Variants in GRIK4 observed in about 807,000 individuals in gnomAD.
GRIK4 encodes the protein glutamate ionotropic receptor kainate type subunit 4.
In GRIK4, 40 loss-of-function variants were observed where a neutral mutation model predicts 104.9. The observed-to-expected ratio is 0.38, with a 90% confidence interval of 0.30 to 0.50. The LOEUF is 0.50. GRIK4 is among the 20% of genes least tolerant of loss of function. The probability of loss-of-function intolerance (pLI) is 0.93; values close to 1 mark genes in which losing one functional copy is unlikely to be tolerated. For missense variants in GRIK4, 1,047 were observed against 1,308.1 expected (o/e 0.80, Z 3.08); for synonymous variants, 485 against 524.9 (o/e 0.92, Z 1.04).
At chr11:120,804,659 G>A (rs1300541545) in intron 4 of GRIK4, among the ~76,000 whole-genome samples, 2 of 152,232 alleles carry the variant, frequency 1.3e-5, no homozygotes. Context: ...TGGGAACAAA[G>A]CAGGAAATAA....
intron 8 of GRIK4, among the ~76,000 whole-genome samples, chr11:120,844,021 C>T (rs1953790754): frequency 6.6e-6 from 1 of 152,148 alleles, no homozygotes; most frequent in African/African-American, 2.4e-5. Flanking sequence ...AGCCAATTTT[C>T]CTCCCCTGGG....
intron 11 of GRIK4, among the ~76,000 whole-genome samples, chr11:120,890,221 A>G (rs984606341): frequency 1.2e-4 from 18 of 152,328 alleles, no homozygotes; most frequent in African/African-American, 4.1e-4. Flanking sequence ...ACGCTGTACT[A>G]TGGGTAGGCA....
intron 11 of GRIK4, among the ~76,000 whole-genome samples, chr11:120,889,432 A>G (rs1226943691): frequency 2.0e-5 from 3 of 152,012 alleles, no homozygotes; most frequent in Non-Finnish European, 4.4e-5. Flanking sequence ...AAGAAGCCAC[A>G]AATACATTAT....
chr11:120,823,707 A>T (rs1240533958), intron 6 of GRIK4, among the ~76,000 whole-genome samples: 1 of 152,190 alleles, frequency 6.6e-6, no homozygotes, highest in African/African-American at 2.4e-5. Context: ...TCTGAACAAC[A>T]TGTGCCCTTG....
At chr11:120,768,702 T>G (rs7114168) in intron 3 of GRIK4, among the ~76,000 whole-genome samples, 1,642 of 152,320 alleles carry the variant, frequency 0.011, 23 homozygotes, top group African/African-American at 0.036. Context: ...TTTATTGTAT[T>G]GAGGAATTTT....
At chr11:120,872,576 C>G (rs923236800) in intron 9 of GRIK4, 3 of 153,284 alleles carry the variant, frequency 2.0e-5, no homozygotes, top group Admixed American at 6.5e-5. Context: ...AATGTTGAGT[C>G]GCCAGTGATG....
intron 6 of GRIK4, among the ~76,000 whole-genome samples, chr11:120,821,079 C>T (rs1057264330): frequency 6.6e-6 from 1 of 152,182 alleles, no homozygotes; most frequent in African/African-American, 2.4e-5. Flanking sequence ...AACTTAAGCA[C>T]CAGGGCCCAA....
chr11:120,638,874 TG>T (rs1424392913), intron 1 of GRIK4, among the ~76,000 whole-genome samples: 3 of 152,066 alleles, frequency 2.0e-5, no homozygotes, highest in African/African-American at 7.2e-5. Flanking sequence ...CTATCCAAGG[TG>T]GCCCTTGACC....
intron 3 of GRIK4, among the ~76,000 whole-genome samples, chr11:120,694,746 T>C (rs1317788879): frequency 6.6e-6 from 1 of 152,168 alleles, no homozygotes; most frequent in African/African-American, 2.4e-5. Flanking sequence ...GAGAAGAGGC[T>C]GTCTGGAGCC....
intron 3 of GRIK4, among the ~76,000 whole-genome samples, chr11:120,796,522 GAAA>G (rs1400042105): frequency 6.6e-6 from 1 of 152,168 alleles, no homozygotes; most frequent in African/African-American, 2.4e-5. Flanking sequence ...AATCCAAGGA[GAAA>G]GAGAGCACTG....
At chr11:120,695,635 G>C (rs1950434489) in intron 3 of GRIK4, among the ~76,000 whole-genome samples, 1 of 151,260 alleles carries the variant, frequency 6.6e-6, no homozygotes, top group Non-Finnish European at 1.5e-5. Context: ...GCCGCCACGG[G>C]TGGGAGGCAG....
intron 12 of GRIK4, among the ~76,000 whole-genome samples, chr11:120,899,196 C>T (rs1942665245): frequency 6.6e-6 from 1 of 151,984 alleles, no homozygotes; most frequent in African/African-American, 2.4e-5. Context: ...GTGGGAAGAT[C>T]ACTTGAGGCC....
At chr11:120,812,798 A>G (rs1453023646) in intron 4 of GRIK4, among the ~76,000 whole-genome samples, 1 of 152,210 alleles carries the variant, frequency 6.6e-6, no homozygotes, top group Non-Finnish European at 1.5e-5. Flanking sequence ...GACCCAGCAC[A>G]TAGGTGAGAG....
At chr11:120,614,230 G>C (rs1949076022) in intron 1 of GRIK4, among the ~76,000 whole-genome samples, 1 of 152,222 alleles carries the variant, frequency 6.6e-6, no homozygotes, top group South Asian at 2.1e-4. Flanking sequence ...GTGGTCCTGG[G>C]AACCACACAG....
intron 1 of GRIK4, among the ~76,000 whole-genome samples, chr11:120,650,685 A>G (rs1431931638): frequency 1.3e-5 from 2 of 152,202 alleles, no homozygotes; most frequent in East Asian, 1.9e-4. Flanking sequence ...CAGGGACTGT[A>G]TATATCCCAG....
chr11:120,589,541 T>G (rs1948710469), intron 1 of GRIK4, among the ~76,000 whole-genome samples: 1 of 152,146 alleles, frequency 6.6e-6, no homozygotes, highest in Non-Finnish European at 1.5e-5. Context: ...GTCTCTTGAA[T>G]TAGATGCAAC....
intron 5 of GRIK4, among the ~76,000 whole-genome samples, chr11:120,815,813 C>T (rs1952942835): frequency 1.3e-5 from 2 of 152,210 alleles, no homozygotes; most frequent in Admixed American, 1.3e-4. Context: ...AGCGGGCAGA[C>T]GTCTGAGCGT....
At chr11:120,816,064 C>G (rs766084329) in intron 5 of GRIK4, among the ~76,000 whole-genome samples, 1 of 152,134 alleles carries the variant, frequency 6.6e-6, no homozygotes, top group East Asian at 1.9e-4. Flanking sequence ...ACTGGAGGCT[C>G]TCCAGTTTCA....
chr11:120,607,449 C>T lies in GRIK4; in HGVS notation c.-158-46236C>T, dbSNP rs1038540438. On this transcript the variant is annotated intron_variant, in intron 1 of 20. Coordinates refer to ENST00000527524, the MANE Select transcript of GRIK4 (RefSeq NM_014619.5). ...CTTGGGGAAGGGGCTGGGGCAGGGC[C>T]CTGTGGGCATCTGCACGGTGGGTGA... Among the ~76,000 whole-genome samples the T allele has an allele frequency of 7.9e-5, 12 of 152,222 alleles. No homozygotes were observed. The East Asian group carries it at 1.7e-3, about 22-fold the overall frequency.
Sources: gnomAD v4.1 joint callset for allele counts (sites outside exome capture counted in the v4.1 genomes callset) on GRCh38, gnomAD v4.1.1 for gene constraint, MANE v1.5 for transcripts, NCBI Gene and HGNC (gene_info 2026-07-23, HGNC 2026-07-21) for gene names.